The following RBM20 variants were observed in gnomAD, a reference collection of about 807,000 sequenced individuals.
RBM20 encodes the protein RNA-binding protein 20.
RBM20 carries 51 observed loss-of-function variants against 110.1 expected under a neutral mutation model. The ratio of observed to expected loss-of-function variants is 0.46; its 90% CI spans 0.37 to 0.59. RBM20 has a LOEUF of 0.59. Ranked by LOEUF, RBM20 falls within the 20% of genes least tolerant of loss-of-function variation. RBM20 has a pLI of 0.00. For synonymous variants in RBM20, 589 were observed against 618.2 expected, an observed-to-expected ratio of 0.95 and a Z score of 0.70; for missense variants, 1,512 against 1,574.9, an observed-to-expected ratio of 0.96 and a Z score of 0.68.
intron 9 of RBM20, among the ~76,000 whole-genome samples, chr10:110,814,503 T>A (rs139678906): frequency 6.6e-6 from 1 of 152,046 alleles, no homozygotes; most frequent in Non-Finnish European, 1.5e-5. Context: ...GTTTTGTTTT[T>A]TTTTTTGAGA....
chr10:110,710,611 A>T (rs542386574), intron 1 of RBM20, among the ~76,000 whole-genome samples: 30 of 152,242 alleles, frequency 2.0e-4, no homozygotes, highest in Non-Finnish European at 3.8e-4. Flanking sequence ...TGGAGAATGC[A>T]GTTTTCTTGG....
chr10:110,747,761 A>T (rs10885038), intron 1 of RBM20, among the ~76,000 whole-genome samples: 13,029 of 151,830 alleles, frequency 0.086, 1,113 homozygotes, highest in East Asian at 0.45. Context: ...AAAAAGAGAA[A>T]ACTTTTTAGA....
chr10:110,690,614 G>T (rs1273995374), intron 1 of RBM20, among the ~76,000 whole-genome samples: 1 of 152,066 alleles, frequency 6.6e-6, no homozygotes, highest in Non-Finnish European at 1.5e-5. Flanking sequence ...CCTATTTTAG[G>T]TATCTCATAT....
chr10:110,798,137 G>A (rs895362283), intron 6 of RBM20, among the ~76,000 whole-genome samples: 3 of 152,150 alleles, frequency 2.0e-5, no homozygotes, highest in Non-Finnish European at 4.4e-5. Context: ...GTGTGAGAAT[G>A]GATGGATGCT....
At chr10:110,810,606 C>T in intron 8 of RBM20, 144 bp downstream of exon 8, 2 of 575,164 alleles carry the variant, frequency 3.5e-6, no homozygotes, top group Non-Finnish European at 3.1e-6. Flanking sequence ...TCCCACTTTT[C>T]CATGTTCCCC....
intron 13 of RBM20, among the ~76,000 whole-genome samples, chr10:110,834,973 TAGAC>T (rs769208444): frequency 1.3e-5 from 2 of 152,144 alleles, no homozygotes; most frequent in Non-Finnish European, 2.9e-5. Flanking sequence ...AACGATAGAA[TAGAC>T]AGGCCCATTT....
intron 12 of RBM20, among the ~76,000 whole-genome samples, chr10:110,830,586 T>A (rs892638430): frequency 2.2e-5 from 3 of 137,210 alleles, no homozygotes; most frequent in African/African-American, 7.9e-5. Flanking sequence ...TTTCCTTCCT[T>A]TTATTTACTT....
At chr10:110,697,123 A>G (rs1017031096) in intron 1 of RBM20, among the ~76,000 whole-genome samples, 7 of 152,242 alleles carry the variant, frequency 4.6e-5, no homozygotes, top group South Asian at 2.1e-4. Flanking sequence ...TGTTTGGTCT[A>G]TGCAGAATTT....
At chr10:110,645,325 G>A (rs569031364) in intron 1 of RBM20, among the ~76,000 whole-genome samples, 2 of 152,194 alleles carry the variant, frequency 1.3e-5, no homozygotes, top group African/African-American at 4.8e-5. Context: ...CCCGTTTGAG[G>A]AACATACAAG....
chr10:110,670,349 T>C (rs1339452690), intron 1 of RBM20, among the ~76,000 whole-genome samples: 1 of 152,216 alleles, frequency 6.6e-6, no homozygotes, highest in African/African-American at 2.4e-5. Flanking sequence ...TTGGTTGATA[T>C]CTGGCACAGA....
chr10:110,680,779 G>C (rs1862412469), intron 1 of RBM20, among the ~76,000 whole-genome samples: 1 of 152,158 alleles, frequency 6.6e-6, no homozygotes, highest in Non-Finnish European at 1.5e-5. Context: ...GATCAGTAAG[G>C]TTGGAGGAAG....
At chr10:110,774,295 TC>T (rs1844232818) in intron 1 of RBM20, among the ~76,000 whole-genome samples, 1 of 152,186 alleles carries the variant, frequency 6.6e-6, no homozygotes, top group African/African-American at 2.4e-5. Context: ...TATGAATCAT[TC>T]CAAGAGGTGT....
intron 11 of RBM20, chr10:110,822,377 A>G: frequency 2.2e-6 from 1 of 456,492 alleles, no homozygotes; most frequent in South Asian, 1.6e-5. Flanking sequence ...GAGGATCCTT[A>G]AAGGGTACAG....
chr10:110,674,339 C>A (rs1862302463), intron 1 of RBM20, among the ~76,000 whole-genome samples: 1 of 152,190 alleles, frequency 6.6e-6, no homozygotes, highest in Non-Finnish European at 1.5e-5. Context: ...GAATTGCTTA[C>A]AACAGGGAAC....
chr10:110,716,737 C>T (rs924814755), intron 1 of RBM20, among the ~76,000 whole-genome samples: 6 of 151,772 alleles, frequency 4.0e-5, no homozygotes, highest in Non-Finnish European at 8.8e-5. Context: ...CAAGGTGAAA[C>T]CCTGTCTCTA....
At chr10:110,818,484 C>CA (rs1160534672) in intron 9 of RBM20, among the ~76,000 whole-genome samples, 3 of 21,680 alleles carry the variant, frequency 1.4e-4, no homozygotes, top group Non-Finnish European at 1.2e-3. Flanking sequence ...CAACAGTTGG[C>CA]GTTTCAGTCT....
In RBM20 at chr10:110,675,720, G is replaced by A. The variant is rs180745039; in HGVS notation, c.191+31075G>A. Among the ~76,000 whole-genome samples the A allele has an allele frequency of 2.2e-3, 328 of 152,324 alleles. 1 individual carries two copies. Among genetic ancestry groups the A allele is most frequent in the African/African-American group, 7.6e-3 (316 of 41,558 alleles). On this transcript the variant is annotated intron_variant, in intron 1 of 13. Transcript: ENST00000369519. ...TAAGGGAGCCCCGCCTTTCAAGTCAGACAGACCTGGGCTCACATTCTGGCT... is the reference window on the plus strand; with the variant it reads ...TAAGGGAGCCCCGCCTTTCAAGTCAAACAGACCTGGGCTCACATTCTGGCT...
intron 1 of RBM20, among the ~76,000 whole-genome samples, chr10:110,729,117 A>G (rs984425090): frequency 6.6e-6 from 1 of 152,212 alleles, no homozygotes; most frequent in Non-Finnish European, 1.5e-5. Flanking sequence ...GCGTTCTGCT[A>G]GGTGTATAAG....
At chr10:110,793,183 A>G (rs531012102) in intron 5 of RBM20, among the ~76,000 whole-genome samples, 1 of 152,146 alleles carries the variant, frequency 6.6e-6, no homozygotes, top group Non-Finnish European at 1.5e-5. Flanking sequence ...CATGCACCTA[A>G]TCAGCGGCTG....
Sources: allele counts gnomAD v4.1 joint callset (sites outside exome capture counted in the v4.1 genomes callset), GRCh38; gene constraint gnomAD v4.1.1; transcripts MANE v1.5; gene names NCBI Gene and HGNC (gene_info 2026-07-23, HGNC 2026-07-21).